PLSCR2: variants seen among roughly 807,000 people sequenced by gnomAD.
PLSCR2 encodes the protein PL scramblase 2.
In PLSCR2, 18 loss-of-function variants were observed where a neutral mutation model predicts 25.3. The observed-to-expected ratio is 0.71, with a 90% CI of 0.49 to 1.06. The LOEUF is 1.06. Ranked by LOEUF, PLSCR2 falls within the 50% of genes least tolerant of loss-of-function variation. The probability of loss-of-function intolerance (pLI) is 0.00; values close to 1 mark genes in which losing one functional copy is unlikely to be tolerated. For missense variants in PLSCR2, 243 were observed against 269.5 expected (o/e 0.90, Z 0.69); for synonymous variants, 88 against 87.3 (o/e 1.01, Z -0.04).
upstream of PLSCR2, among the ~76,000 whole-genome samples, chr3:146,463,178 C>G (rs1250138056): frequency 1.3e-5 from 2 of 152,136 alleles, no homozygotes; most frequent in African/African-American, 2.4e-5. Context: ...AAACTTTGTA[C>G]TTGGTATTTC....
intron 3 of PLSCR2, among the ~76,000 whole-genome samples, chr3:146,457,271 GT>G (rs2041270667): frequency 1.3e-5 from 2 of 152,188 alleles, no homozygotes; most frequent in East Asian, 1.9e-4. Context: ...AAAACCAGCA[GT>G]TTTTATAATA....
At chr3:146,422,018 G>C (rs968604022) in intron 2 of PLSCR2, among the ~76,000 whole-genome samples, 1 of 151,994 alleles carries the variant, frequency 6.6e-6, no homozygotes, top group African/African-American at 2.4e-5. Context: ...ATTCAGTTCT[G>C]GTCAATATGA....
At chr3:146,490,823 G>T (rs970670110) in intron 1 of PLSCR2, among the ~76,000 whole-genome samples, 2 of 152,044 alleles carry the variant, frequency 1.3e-5, no homozygotes, top group African/African-American at 4.8e-5. Context: ...CTGCCTTTTA[G>T]GTAGGGCATT....
chr3:146,452,588 G>T (rs1386393461), intron 5 of PLSCR2, among the ~76,000 whole-genome samples: 3 of 152,114 alleles, frequency 2.0e-5, no homozygotes, highest in Non-Finnish European at 4.4e-5. Flanking sequence ...TTATTTTCCT[G>T]CATTCTCTAA....
At chr3:146,441,138 G>A (rs529713213), downstream of PLSCR2, among the ~76,000 whole-genome samples, 1 of 152,070 alleles carries the variant, frequency 6.6e-6, no homozygotes, top group South Asian at 2.1e-4. Context: ...ATAGTACTAG[G>A]TTAGCTGATA....
At chr3:146,461,702 T>G, upstream of PLSCR2, 1 of 559,782 alleles carries the variant, frequency 1.8e-6, no homozygotes, top group Non-Finnish European at 3.2e-6. Context: ...GAATTTAGCA[T>G]GTTCGTGAGA....
At chr3:146,467,100 T>C (rs1042118924) in intron 1 of PLSCR2, among the ~76,000 whole-genome samples, 5 of 152,196 alleles carry the variant, frequency 3.3e-5, no homozygotes, top group African/African-American at 1.2e-4. Flanking sequence ...GGCAGTGCTA[T>C]AGAGTGTGTG....
At chr3:146,485,931 C>T (rs1262749785) in intron 1 of PLSCR2, among the ~76,000 whole-genome samples, 1 of 152,002 alleles carries the variant, frequency 6.6e-6, no homozygotes, top group African/African-American at 2.4e-5. Context: ...TCTTGTGAGA[C>T]CCATTCACTA....
At chr3:146,483,319 A>G (rs147577772) in intron 1 of PLSCR2, among the ~76,000 whole-genome samples, 3,624 of 148,074 alleles carry the variant, frequency 0.024, 227 homozygotes, top group African/African-American at 0.087. Flanking sequence ...CATTAGGAGA[A>G]ATACCAAATG....
intron 1 of PLSCR2, among the ~76,000 whole-genome samples, chr3:146,477,826 C>T (rs2042973576): frequency 6.6e-6 from 1 of 152,206 alleles, no homozygotes; most frequent in Non-Finnish European, 1.5e-5. Flanking sequence ...GAGACACCTC[C>T]CAGTAGGGGC....
At chr3:146,403,521 A>G (rs1559969913) in intron 2 of PLSCR2, among the ~76,000 whole-genome samples, 1 of 152,198 alleles carries the variant, frequency 6.6e-6, no homozygotes. Context: ...GAAATTCCCT[A>G]TTCAAGGATG....
intron 1 of PLSCR2, among the ~76,000 whole-genome samples, chr3:146,470,896 T>C (rs1413631675): frequency 1.3e-5 from 2 of 152,190 alleles, no homozygotes; most frequent in African/African-American, 4.8e-5. Context: ...AGAGTAGTAA[T>C]GGTATCTACC....
At chr3:146,403,497 G>A (rs2038551346) in intron 2 of PLSCR2, among the ~76,000 whole-genome samples, 1 of 152,178 alleles carries the variant, frequency 6.6e-6, no homozygotes, top group Non-Finnish European at 1.5e-5. Context: ...CACCTGGAGA[G>A]TCACTGGCTT....
chr3:146,437,959 T>C (rs190403467), downstream of PLSCR2, among the ~76,000 whole-genome samples: 1 of 152,176 alleles, frequency 6.6e-6, no homozygotes, highest in Non-Finnish European at 1.5e-5. Context: ...GTCCCAGAGA[T>C]TCTAGTATGT....
intron 2 of PLSCR2, among the ~76,000 whole-genome samples, chr3:146,407,793 C>T (rs138701616): frequency 6.6e-6 from 1 of 152,272 alleles, no homozygotes; most frequent in African/African-American, 2.4e-5. Context: ...CCTGAGCCTA[C>T]AACACATCTG....
At chr3:146,456,964 T>C (rs1165010115) in intron 3 of PLSCR2, among the ~76,000 whole-genome samples, 1 of 152,036 alleles carries the variant, frequency 6.6e-6, no homozygotes, top group Non-Finnish European at 1.5e-5. Context: ...GCCTTTTGGA[T>C]TTTATAATCT....
chr3:146,430,676 T>C (rs1453111507), downstream of PLSCR2, among the ~76,000 whole-genome samples: 1 of 152,206 alleles, frequency 6.6e-6, no homozygotes, highest in African/African-American at 2.4e-5. Context: ...ACAGTGATTT[T>C]CTGCAATTTA....
intron 2 of PLSCR2, among the ~76,000 whole-genome samples, chr3:146,402,626 C>T (rs947813025): frequency 3.3e-5 from 5 of 152,032 alleles, no homozygotes; most frequent in African/African-American, 4.8e-5. Flanking sequence ...TGCCACCATA[C>T]CCAGCTAATT....
intron 6 of PLSCR2, among the ~76,000 whole-genome samples, chr3:146,443,860 T>C (rs1344723422): frequency 6.6e-6 from 1 of 151,964 alleles, no homozygotes; most frequent in African/African-American, 2.4e-5. Flanking sequence ...AGGTTATTTA[T>C]TTGAACTTTT....
Sources: gnomAD v4.1 joint callset for allele counts (sites outside exome capture counted in the v4.1 genomes callset) on GRCh38, gnomAD v4.1.1 for gene constraint, MANE v1.5 for transcripts, NCBI Gene and HGNC (gene_info 2026-07-23, HGNC 2026-07-21) for gene names.